Variants in CLPSL2 observed in about 807,000 individuals in gnomAD.
CLPSL2 encodes the protein colipase-like protein 2.
Under a neutral mutation model 7.9 loss-of-function variants are expected in CLPSL2, and 4 were observed. The observed-to-expected ratio is 0.50, with a 90% CI of 0.25 to 1.15. CLPSL2 has a LOEUF of 1.15. Ranked by LOEUF, CLPSL2 falls within the 50% of genes most tolerant of loss-of-function variation. The probability of loss-of-function intolerance (pLI) is 0.15; values close to 1 mark genes in which losing one functional copy is unlikely to be tolerated. For synonymous variants in CLPSL2, 67 were observed against 53.1 expected, an observed-to-expected ratio of 1.26 and a Z score of -1.14; for missense variants, 132 against 136.6, an observed-to-expected ratio of 0.97 and a Z score of 0.17.
intron 2 of CLPSL2, chr6:35,777,900 C>T (rs895241267): frequency 7.0e-6 from 5 of 717,420 alleles, no homozygotes; most frequent in Non-Finnish European, 1.0e-5. Context: ...ATCTATGAAG[C>T]ACCTACCCCC....
In CLPSL2 at chr6:35,779,440, A is replaced by C. The variant is rs200339173; in HGVS notation, c.293A>C (p.His98Pro). Residue 98 changes from histidine to proline, a missense_variant, in exon 3 of 3, where the codon CAT (histidine) becomes CCT (proline). Physicochemically the swap from His to Pro is moderately conservative, Grantham distance 77. Transcript: ENST00000403376. ...GACTTGATGTGTTCCCGCCGGTGCC[A>C]TATGATTTAGAGGAAGATGCAGGCT... ...SKDLMCSRRC[H>P]MI 3 of 1,580,886 alleles carry C rather than the reference A, an allele frequency of 1.9e-6. No individual in the cohort carries two copies. Among genetic ancestry groups the C allele is most frequent in the East Asian group, 2.3e-5 (1 of 43,374 alleles).
intron 2 of CLPSL2, 42 bp downstream of exon 2, chr6:35,777,623 C>G (rs756857965): frequency 6.4e-7 from 1 of 1,569,546 alleles, no homozygotes; most frequent in African/African-American, 1.4e-5. Context: ...AGTAGAGAAG[C>G]GGGCAGGGAG....
At chr6:35,777,704 T>A in intron 2 of CLPSL2, 123 bp downstream of exon 2, 1 of 1,149,214 alleles carries the variant, frequency 8.7e-7, no homozygotes. Context: ...CTTCTCCACT[T>A]GGCAAACTCC....
intron 2 of CLPSL2, chr6:35,777,921 C>T (rs1025236045): frequency 9.8e-6 from 7 of 717,290 alleles, no homozygotes; most frequent in Admixed American, 6.0e-5. Context: ...AGCTTAGTAT[C>T]TGCACATAGT....
In CLPSL2 at chr6:35,777,269, C is replaced by T. The variant is rs961442127; in HGVS notation, c.85-190C>T. On this transcript the variant is annotated intron_variant, in intron 1 of 2. Transcript: ENST00000403376. ...AAAGTGCTAATCCCCCTCTCCTCCT[C>T]TCTGCTGCCCTGGGTCCTGCTGAGG... 3.8e-4 allele frequency among the ~76,000 whole-genome samples: 57 copies of T among 151,020 alleles called. 1 individual carries two copies. Among genetic ancestry groups the T allele is most frequent in the African/African-American group, 1.3e-3 (55 of 41,306 alleles).
chr6:35,777,154 C>G, intron 1 of CLPSL2, among the ~76,000 whole-genome samples: 1 of 152,158 alleles, frequency 6.6e-6, no homozygotes, highest in East Asian at 1.9e-4. Flanking sequence ...TCTCATCCCC[C>G]AACCCTGCCC....
rs1383539665 is a variant in CLPSL2, at chr6:35,777,315, G to GC, written c.85-144_85-143insC. 4 of 853,812 alleles carry GC rather than the reference G, an allele frequency of 4.7e-6. No individual in the cohort carries two copies. The African/African-American group carries it at 6.8e-5, about 15-fold the overall frequency. 52.9% of individuals were successfully genotyped at this position (853,812 alleles called of 1,614,324 possible). ...TGAGGGGCCGGGGTGGGGCTGGGGG[G>GC]GGAACCAGCCCCCCAAGGGGTGACA... On this transcript the variant is annotated intron_variant, in intron 1 of 2. Coordinates refer to ENST00000403376, the MANE Select transcript of CLPSL2 (RefSeq NM_207409.4).
At chr6:35,779,218 G>A (rs1767911155) in intron 2 of CLPSL2, 137 bp from the exon 3 acceptor site, 3 of 596,376 alleles carry the variant, frequency 5.0e-6, no homozygotes, top group Non-Finnish European at 8.6e-6. Context: ...TGAAGGTCAC[G>A]CAGTTATAAG....
chr6:35,779,019 G>A (rs1405975271), intron 2 of CLPSL2, among the ~76,000 whole-genome samples: 7 of 152,046 alleles, frequency 4.6e-5, no homozygotes, highest in African/African-American at 4.8e-5. Flanking sequence ...TGATCCACCC[G>A]CCTCGGCCTT....
At chr6:35,777,860 C>T in intron 2 of CLPSL2, 1 of 717,760 alleles carries the variant, frequency 1.4e-6, no homozygotes, top group Admixed American at 2.0e-5. Context: ...GTGGTTGGAA[C>T]TCTTCAAGGG....
chr6:35,777,082 A>G (rs917841278), intron 1 of CLPSL2, among the ~76,000 whole-genome samples: 3 of 151,706 alleles, frequency 2.0e-5, no homozygotes, highest in Non-Finnish European at 2.9e-5. Flanking sequence ...TCTTCCAGGC[A>G]CGAGGGCTCT....
rs114328066 is a variant in CLPSL2 at position 35,779,290 on chromosome 6, G to A, written c.208-65G>A. On this transcript the variant is annotated intron_variant, in intron 2 of 2. Coordinates refer to ENST00000403376, the MANE Select transcript of CLPSL2 (RefSeq NM_207409.4). ...TGGTACTCTTGGTTCTGGTCCCCAA[G>A]AAGTTTAAGTCCCCATCCTTCCTGC... 2.6e-3 allele frequency: 3,461 copies of A among 1,355,976 alleles called. 65 individuals are homozygous for A. The African/African-American group carries it at 0.043, about 17-fold the overall frequency. 84.0% of individuals were successfully genotyped at this position (1,355,976 alleles called of 1,614,324 possible).
intron 2 of CLPSL2, chr6:35,777,808 T>C (rs1433319423): frequency 7.0e-6 from 5 of 717,762 alleles, no homozygotes; most frequent in Non-Finnish European, 1.3e-5. Flanking sequence ...CAGCAGACCA[T>C]GTATCTCCCT....
chr6:35,777,681 G>A, intron 2 of CLPSL2, 100 bp downstream of exon 2: 1 of 1,345,600 alleles, frequency 7.4e-7, no homozygotes, highest in Admixed American at 2.5e-5. Flanking sequence ...CCTCTGTCTG[G>A]AGTGCCCTTC....
At chr6:35,776,953 C>G in intron 1 of CLPSL2, 1 of 434,306 alleles carries the variant, frequency 2.3e-6, no homozygotes, top group South Asian at 4.8e-5. Flanking sequence ...CCGCCCGTGC[C>G]CCTTCCGATG....
Position 35,777,499 on chromosome 6 carries a change from G to A in CLPSL2, c.125G>A (p.Ser42Asn). 9 of 1,613,794 alleles carry A rather than the reference G, an allele frequency of 5.6e-6. No individual in the cohort carries two copies. Among genetic ancestry groups the A allele is most frequent in the African/African-American group, 5.3e-5 (4 of 75,056 alleles). The change falls in exon 2 of 3, where the codon AGT becomes AAT. Residue 42 changes from serine to asparagine, a missense_variant. By Grantham distance (46) the Ser-to-Asn change is conservative (BLOSUM62 1). Transcript: ENST00000403376. ...TGCTTCCACCACTCTGAGTGCTACA[G>A]TGGCTGCTGCCTCATGGACTTGGAC... is the stretch of plus-strand genomic sequence containing the variant. Reference protein sequence around the residue: ...DRCFHHSECYSGCCLMDLDSG... With the variant: ...DRCFHHSECYNGCCLMDLDSG...
At chr6:35,776,962 T>C (rs1417460062) in intron 1 of CLPSL2, among the ~76,000 whole-genome samples, 1 of 152,034 alleles carries the variant, frequency 6.6e-6, no homozygotes, top group Non-Finnish European at 1.5e-5. Context: ...CCCCTTCCGA[T>C]GGCCTCAGTC....
At chr6:35,776,823 C>A in intron 1 of CLPSL2, 121 bp downstream of exon 1, 1 of 888,000 alleles carries the variant, frequency 1.1e-6, no homozygotes, top group Non-Finnish European at 1.6e-6. Context: ...GGAACCACAC[C>A]CAGGCGGGTA....
intron 2 of CLPSL2, chr6:35,777,821 C>T: frequency 1.4e-6 from 1 of 717,548 alleles, no homozygotes; most frequent in African/African-American, 1.7e-5. Flanking sequence ...ATCTCCCTAA[C>T]TGGCCATGTC....
Sources: allele counts gnomAD v4.1 joint callset (sites outside exome capture counted in the v4.1 genomes callset), GRCh38; gene constraint gnomAD v4.1.1; transcripts MANE v1.5; gene names NCBI Gene and HGNC (gene_info 2026-07-23, HGNC 2026-07-21).